CPNE8: variants seen among roughly 807,000 people sequenced by gnomAD.
The protein encoded by CPNE8 is copine-8.
Under a neutral mutation model 81.5 loss-of-function variants are expected in CPNE8, and 45 were observed. The ratio of observed to expected loss-of-function variants is 0.55; its 90% CI spans 0.44 to 0.71. The LOEUF (loss-of-function observed/expected upper bound fraction) is 0.71. CPNE8 is among the 30% of genes least tolerant of loss of function. The pLI, the probability that CPNE8 is intolerant of heterozygous loss-of-function variation, is 0.00. For missense variants in CPNE8, 594 were observed against 672.1 expected, an observed-to-expected ratio of 0.88 and a Z score of 1.28; for synonymous variants, 252 against 226.3, an observed-to-expected ratio of 1.11 and a Z score of -1.02.
chr12:38,810,697 A>T (rs1406493362), intron 6 of CPNE8, among the ~76,000 whole-genome samples: 1 of 152,148 alleles, frequency 6.6e-6, no homozygotes, highest in African/African-American at 2.4e-5. Context: ...TCTGTACATC[A>T]AAATTTCAGT....
chr12:38,881,111 A>G lies in CPNE8; in HGVS notation c.99-6600T>C, dbSNP rs569933282. On this transcript the variant is annotated intron_variant, in intron 1 of 19. Coordinates refer to ENST00000331366, the MANE Select transcript of CPNE8 (RefSeq NM_153634.3). ...TTCATTCCCGGCTACTCGGGAGGCT[A>G]AGACAGGAGAATGGCGTGAACCCGG... Among the ~76,000 whole-genome samples the G allele has an allele frequency of 3.0e-4, 46 of 151,994 alleles. No homozygotes were observed. The South Asian group carries it at 9.4e-3, about 31-fold the overall frequency.
At chr12:38,669,863 T>A (rs1451281658) in intron 19 of CPNE8, among the ~76,000 whole-genome samples, 1 of 152,122 alleles carries the variant, frequency 6.6e-6, no homozygotes, top group Non-Finnish European at 1.5e-5. Context: ...ATGCCTGCAG[T>A]TGCAGAAAGA....
intron 13 of CPNE8, among the ~76,000 whole-genome samples, chr12:38,719,200 ATTATAGT>A: frequency 6.6e-6 from 1 of 152,312 alleles, no homozygotes; most frequent in South Asian, 2.1e-4. Flanking sequence ...ACTACAGGAA[ATTATAGT>A]TTAGATATTT....
At chr12:38,906,700 G>A (rs1213418795), upstream of CPNE8, 3 of 688,550 alleles carry the variant, frequency 4.4e-6, no homozygotes, top group Non-Finnish European at 3.6e-6. Context: ...GGAGGTAGAC[G>A]AGGCGCCCCT....
chr12:38,671,262 A>G (rs10875959), intron 18 of CPNE8, among the ~76,000 whole-genome samples: 115,808 of 152,092 alleles, frequency 0.76, 48,723 homozygotes, highest in Middle Eastern at 0.96. Context: ...TTGAAACTAC[A>G]GCAAAGCCAT....
At chr12:38,763,873 C>T (rs1941621764) in intron 8 of CPNE8, among the ~76,000 whole-genome samples, 1 of 150,990 alleles carries the variant, frequency 6.6e-6, no homozygotes, top group African/African-American at 2.4e-5. Context: ...CCCCTAACCC[C>T]CATGATGAAA....
Position 38,684,572 on chromosome 12 carries a change from G to A in CPNE8, c.1271+918C>T, listed in dbSNP as rs186700901. Among the ~76,000 whole-genome samples the A allele has an allele frequency of 1.6e-4, 25 of 152,186 alleles. 1 individual carries two copies. Among genetic ancestry groups the A allele is most frequent in the Non-Finnish European group, 2.4e-4 (16 of 68,016 alleles). On this transcript the variant is annotated intron_variant, in intron 16 of 19. Coordinates refer to ENST00000331366, the MANE Select transcript of CPNE8 (RefSeq NM_153634.3). The stretch of plus-strand genomic sequence containing the variant: ...GGGAAGTTGCACTGGGGTCAGCCCT[G>A]GGTGCAAGGGATATTTTAGCATTTT...
At chr12:38,738,840 G>T (rs1422841954) in intron 10 of CPNE8, among the ~76,000 whole-genome samples, 12 of 143,820 alleles carry the variant, frequency 8.3e-5, no homozygotes, top group East Asian at 4.1e-4. Context: ...TTGAGACAGG[G>T]TCTTGCTCTG....
At chr12:38,661,633 G>T (rs2387983) in intron 19 of CPNE8, among the ~76,000 whole-genome samples, 95,024 of 151,836 alleles carry the variant, frequency 0.63, 36,655 homozygotes, top group Non-Finnish European at 0.88. Flanking sequence ...GAAGGGGAAT[G>T]AATTCTTCCA....
intron 6 of CPNE8, among the ~76,000 whole-genome samples, chr12:38,812,776 T>C (rs180688581): frequency 1.5e-4 from 23 of 152,340 alleles, no homozygotes; most frequent in Non-Finnish European, 1.5e-4. Flanking sequence ...TCTTCTGCCA[T>C]GTGAGGACAG....
At chr12:38,801,575 G>A (rs199557377) in intron 6 of CPNE8, among the ~76,000 whole-genome samples, 5 of 1,922 alleles carry the variant, frequency 2.6e-3, no homozygotes, top group South Asian at 0.019. Flanking sequence ...AAAGACCATC[G>A]AGACTAGGAA....
chr12:38,834,052 G>A (rs927582705), intron 5 of CPNE8, among the ~76,000 whole-genome samples: 12 of 152,122 alleles, frequency 7.9e-5, no homozygotes, highest in African/African-American at 2.9e-4. Flanking sequence ...GTAACCAGGG[G>A]CTATATCAAG....
intron 6 of CPNE8, among the ~76,000 whole-genome samples, chr12:38,790,865 T>C (rs1156684154): frequency 6.6e-6 from 1 of 151,738 alleles, no homozygotes; most frequent in Admixed American, 6.6e-5. Context: ...TTTTGCCCTG[T>C]ACTGATTGTT....
intron 6 of CPNE8, among the ~76,000 whole-genome samples, chr12:38,806,951 CCAA>C (rs1179487566): frequency 1.3e-5 from 2 of 150,068 alleles, no homozygotes; most frequent in Non-Finnish European, 3.0e-5. Context: ...TTCTTACACA[CCAA>C]CAACAGACAA....
At chr12:38,794,651 A>T (rs77604666) in intron 6 of CPNE8, among the ~76,000 whole-genome samples, 3 of 106,144 alleles carry the variant, frequency 2.8e-5, no homozygotes, top group Non-Finnish European at 3.6e-5. Flanking sequence ...AAACTACTAT[A>T]AAAAAAAAAA....
chr12:38,744,430 C>A (rs1221042634), intron 10 of CPNE8, among the ~76,000 whole-genome samples: 1 of 152,146 alleles, frequency 6.6e-6, no homozygotes, highest in Admixed American at 6.5e-5. Context: ...CCTCTATTCC[C>A]CCAACTGACA....
chr12:38,854,583 G>C (rs1464695661), intron 3 of CPNE8, among the ~76,000 whole-genome samples: 1 of 151,928 alleles, frequency 6.6e-6, no homozygotes, highest in African/African-American at 2.4e-5. Context: ...TCGTAGGTGG[G>C]ATTTATCCCT....
intron 4 of CPNE8, among the ~76,000 whole-genome samples, chr12:38,840,387 T>G (rs1006995838): frequency 1.3e-5 from 2 of 152,134 alleles, no homozygotes; most frequent in Non-Finnish European, 1.5e-5. Context: ...GATAGAAATG[T>G]TCTGTATATT....
intron 13 of CPNE8, 105 bp from the exon 14 acceptor site, chr12:38,703,026 GTT>G: frequency 1.3e-6 from 1 of 774,658 alleles, no homozygotes. Flanking sequence ...TTTCTCAAAC[GTT>G]AATTAAGAGC....
Sources: allele counts gnomAD v4.1 joint callset (sites outside exome capture counted in the v4.1 genomes callset), GRCh38; gene constraint gnomAD v4.1.1; transcripts MANE v1.5; gene names NCBI Gene and HGNC (gene_info 2026-07-23, HGNC 2026-07-21).